XPO7: variants seen among roughly 807,000 people sequenced by gnomAD.
XPO7 encodes exportin-7.
A neutral mutation model predicts 144.3 loss-of-function variants in XPO7; 21 were observed. The observed-to-expected ratio is 0.15, with a 90% CI of 0.10 to 0.21. The LOEUF is 0.21. XPO7 is among the 10% of genes least tolerant of loss of function. The pLI, the probability that XPO7 is intolerant of heterozygous loss-of-function variation, is 1.00. For missense variants in XPO7, 808 were observed against 1,325.8 expected (o/e 0.61, Z 6.06); for synonymous variants, 580 against 499.6 (o/e 1.16, Z -2.15).
chr8:21,966,075 C>T (rs1177432256), intron 1 of XPO7, among the ~76,000 whole-genome samples: 1 of 152,196 alleles, frequency 6.6e-6, no homozygotes, highest in African/African-American at 2.4e-5. Context: ...ATATGCCTCC[C>T]TATGGGTTTT....
intron 24 of XPO7, among the ~76,000 whole-genome samples, chr8:22,000,973 CA>C (rs1480373487): frequency 6.6e-6 from 1 of 152,098 alleles, no homozygotes; most frequent in Non-Finnish European, 1.5e-5. Context: ...GTATCTAGTA[CA>C]GTCCAATCAA....
chr8:21,938,633 T>C (rs1810893712), intron 1 of XPO7, among the ~76,000 whole-genome samples: 1 of 152,190 alleles, frequency 6.6e-6, no homozygotes, highest in African/African-American at 2.4e-5. Context: ...ACGATTAAAT[T>C]ATAACTACTT....
chr8:21,994,122 T>C (rs566984919), intron 19 of XPO7, among the ~76,000 whole-genome samples: 6 of 152,202 alleles, frequency 3.9e-5, no homozygotes, highest in Non-Finnish European at 2.9e-5. Flanking sequence ...CTTCCAAAGC[T>C]AATTTTCTTG....
chr8:22,004,967 C>T, intron 27 of XPO7, 28 bp from the exon 28 acceptor site: 1 of 1,500,096 alleles, frequency 6.7e-7, no homozygotes, highest in Non-Finnish European at 9.1e-7. Flanking sequence ...CACTCTCCTC[C>T]CCCAACCCAC....
intron 1 of XPO7, among the ~76,000 whole-genome samples, chr8:21,925,513 G>C (rs552546623): frequency 6.6e-6 from 1 of 152,324 alleles, no homozygotes; most frequent in East Asian, 1.9e-4. Context: ...AGAACTCGCT[G>C]TTGGAAGATT....
intron 10 of XPO7, among the ~76,000 whole-genome samples, chr8:21,982,172 A>G (rs1035604908): frequency 6.6e-6 from 1 of 152,232 alleles, no homozygotes; most frequent in Non-Finnish European, 1.5e-5. Context: ...ACAGAAGAGT[A>G]AAAAGAGAGT....
At chr8:21,946,858 G>C (rs1443590684) in intron 1 of XPO7, among the ~76,000 whole-genome samples, 1 of 152,066 alleles carries the variant, frequency 6.6e-6, no homozygotes, top group African/African-American at 2.4e-5. Flanking sequence ...GCAGAGAACA[G>C]ACTGGCAGAT....
Position 21,972,692 on chromosome 8 carries a change from T to C in XPO7, c.492+751T>C, listed in dbSNP as rs79895878. On this transcript the variant is annotated intron_variant, in intron 5 of 27. Coordinates refer to ENST00000252512, the MANE Select transcript of XPO7 (RefSeq NM_015024.5). ...TTTACTTTTTTATCCAGCTAAAAAT[T>C]TGTGATTATAGAACAGGCCCTTATC... is the stretch of plus-strand genomic sequence containing the variant. 9.8e-5 allele frequency among the ~76,000 whole-genome samples: 15 copies of C among 152,342 alleles called. No individual in the cohort carries two copies. In the East Asian group the frequency reaches 2.7e-3, roughly 27 times the overall value.
At position 21,999,121 on chromosome 8, in the gene XPO7, C is replaced by T. The variant is rs1421496163; in HGVS notation, c.2459C>T (p.Pro820Leu). Residue 820 changes from proline to leucine, a missense_variant, in exon 23 of 28, where the codon CCA (proline) becomes CTA (leucine). By Grantham distance (98) the Pro-to-Leu change is moderately conservative. This residue lies in a region of XPO7 where 416 missense variants were observed against 612.5 expected (regional missense o/e 0.68). Transcript: ENST00000252512. ...GNRILTLGEV[P>L]KDQVYALKLK... ...CGCATCCTGACACTAGGAGAGGTCC[C>T]AAAGGATCAGGTCTATGCTCTGAAG... The T allele has an allele frequency of 6.2e-7, 1 of 1,613,936 alleles. No homozygotes were observed. The highest frequency in any genetic ancestry group is 1.7e-5 in the Admixed American group (1 of 60,014).
chr8:21,974,922 G>A lies in XPO7; in HGVS notation c.597+148G>A, dbSNP rs866499104. On this transcript the variant is annotated intron_variant, in intron 6 of 27. Coordinates refer to ENST00000252512, the MANE Select transcript of XPO7 (RefSeq NM_015024.5). ...TCTCTTATATAAGACTCATAGAGGC[G>A]TTGAAGAAACTGGTCAGAGTGACCA... The A allele has an allele frequency of 2.7e-5, 18 of 655,698 alleles. No homozygotes were observed. The Middle Eastern group carries it at 9.0e-4, about 33-fold the overall frequency. 40.6% of individuals were successfully genotyped at this position (655,698 alleles called of 1,614,324 possible).
At chr8:21,929,869 A>G (rs1010671386) in intron 1 of XPO7, among the ~76,000 whole-genome samples, 3 of 152,202 alleles carry the variant, frequency 2.0e-5, no homozygotes, top group Admixed American at 1.3e-4. Flanking sequence ...CTGTGATTAC[A>G]TAGTCATTCT....
At position 21,984,708 on chromosome 8, in the gene XPO7, C is replaced by G; in HGVS notation, c.1340C>G (p.Ser447Cys). ...GTCCAGCAGCAGTTGGACCAGCTGTCCACCATTGGGCGTTGTGAATATGAG... is the reference window on the plus strand; with the variant it reads ...GTCCAGCAGCAGTTGGACCAGCTGTGCACCATTGGGCGTTGTGAATATGAG... The part of the protein sequence containing the change: ...GLVQQQLDQL[S>C]TIGRCEYEKT... The change falls in exon 12 of 28, where the codon TCC (serine) becomes TGC (cysteine). Residue 447 changes from serine to cysteine, a missense_variant. Ser to Cys is a moderately radical substitution (Grantham distance 112, BLOSUM62 -1). Coordinates refer to ENST00000252512, the MANE Select transcript of XPO7 (RefSeq NM_015024.5). 1 of 1,613,970 alleles carries G rather than the reference C, an allele frequency of 6.2e-7. No homozygotes were observed. Among genetic ancestry groups the G allele is most frequent in the East Asian group, 2.2e-5 (1 of 44,880 alleles).
At chr8:21,972,231 A>G (rs917994600) in intron 5 of XPO7, among the ~76,000 whole-genome samples, 2 of 151,440 alleles carry the variant, frequency 1.3e-5, no homozygotes, top group African/African-American at 4.9e-5. Context: ...CGATCGCAGC[A>G]CTTTGGGAGG....
chr8:21,949,690 A>G (rs955577631), intron 1 of XPO7, among the ~76,000 whole-genome samples: 17 of 150,870 alleles, frequency 1.1e-4, no homozygotes, highest in African/African-American at 3.9e-4. Context: ...GCCAGGAGTC[A>G]GGTGAAGCTC....
At chr8:21,981,022 G>A (rs1207744028) in intron 9 of XPO7, among the ~76,000 whole-genome samples, 1 of 151,964 alleles carries the variant, frequency 6.6e-6, no homozygotes, top group Non-Finnish European at 1.5e-5. Flanking sequence ...AATATACTCA[G>A]TTTTGTCCCT....
chr8:21,941,282 A>T (rs1475646071), intron 1 of XPO7, among the ~76,000 whole-genome samples: 4 of 152,046 alleles, frequency 2.6e-5, no homozygotes, highest in Admixed American at 6.5e-5. Context: ...GTCTCCCTAG[A>T]AGGTGAAACT....
chr8:21,955,139 C>T (rs1811493810), intron 1 of XPO7, among the ~76,000 whole-genome samples: 1 of 152,160 alleles, frequency 6.6e-6, no homozygotes, highest in Admixed American at 6.5e-5. Context: ...ATCTGCCTGG[C>T]CTGTATAATC....
chr8:21,972,978 AC>A (rs1812115791), intron 5 of XPO7, among the ~76,000 whole-genome samples: 1 of 152,236 alleles, frequency 6.6e-6, no homozygotes, highest in Non-Finnish European at 1.5e-5. Context: ...GATTACTGTT[AC>A]CACCATTCTA....
At chr8:21,920,133 G>A (rs1156291218) in intron 1 of XPO7, among the ~76,000 whole-genome samples, 32 of 52,160 alleles carry the variant, frequency 6.1e-4, no homozygotes, top group African/African-American at 2.4e-3. Context: ...CCCGCCCCCC[G>A]GTGAAGCGAG....
Sources: gnomAD v4.1 joint callset for allele counts (sites outside exome capture counted in the v4.1 genomes callset) on GRCh38, gnomAD v4.1.1 for gene constraint, gnomAD v4.1.1 regional missense constraint, MANE v1.5 for transcripts, NCBI Gene and HGNC (gene_info 2026-07-23, HGNC 2026-07-21) for gene names.